The following CHD9 variants were observed in gnomAD, a reference collection of about 807,000 sequenced individuals.
CHD9 encodes chromodomain helicase DNA binding protein 9, also known as ATP-dependent chromatin remodeler CHD9.
In CHD9, 77 loss-of-function variants were observed where a neutral mutation model predicts 316.1. That is an observed-to-expected ratio of 0.24 (90% CI 0.20 to 0.29). The LOEUF (loss-of-function observed/expected upper bound fraction) is 0.29, where lower values mean the gene tolerates loss of function less well. Among genes scored for constraint, CHD9 ranks in the 10% least tolerant of loss-of-function variants. The pLI is 1.00. For missense variants in CHD9, 2,763 were observed against 3,438.1 expected (o/e 0.80, Z 4.91); for synonymous variants, 1,129 against 1,158.3 (o/e 0.97, Z 0.51).
At chr16:53,292,060 ATATTC>A (rs1273662367) in intron 28 of CHD9, among the ~76,000 whole-genome samples, 4 of 152,202 alleles carry the variant, frequency 2.6e-5, no homozygotes, top group Non-Finnish European at 5.9e-5. Flanking sequence ...TTGATCCAAT[ATATTC>A]AACTTCTTTT....
intron 37 of CHD9, among the ~76,000 whole-genome samples, chr16:53,318,636 G>A (rs2057051881): frequency 6.6e-6 from 1 of 152,112 alleles, no homozygotes; most frequent in Non-Finnish European, 1.5e-5. Flanking sequence ...CATTCTCATC[G>A]GGGTGATTTC....
intron 24 of CHD9, 56 bp from the exon 25 acceptor site, chr16:53,285,540 C>G (rs148292917): frequency 9.0e-7 from 1 of 1,112,908 alleles, no homozygotes; most frequent in Middle Eastern, 2.2e-4. Context: ...AAAATTTTGC[C>G]TCCTTTTTGA....
chr16:53,270,086 C>G (rs892983814), intron 22 of CHD9, among the ~76,000 whole-genome samples: 1 of 151,830 alleles, frequency 6.6e-6, no homozygotes, highest in African/African-American at 2.4e-5. Flanking sequence ...CTCACTGCAG[C>G]CTCAAACTCC....
At chr16:53,300,143 G>C (rs1285579389) in intron 30 of CHD9, among the ~76,000 whole-genome samples, 1 of 152,112 alleles carries the variant, frequency 6.6e-6, no homozygotes, top group Non-Finnish European at 1.5e-5. Flanking sequence ...CACAAGGTCA[G>C]GAGTTCGAGA....
intron 20 of CHD9, among the ~76,000 whole-genome samples, chr16:53,263,620 G>A (rs2051359116): frequency 6.6e-6 from 1 of 152,036 alleles, no homozygotes; most frequent in Non-Finnish European, 1.5e-5. Context: ...TAATTGTATA[G>A]AAATCAGTGT....
chr16:53,251,986 C>G (rs1052462065), intron 17 of CHD9, among the ~76,000 whole-genome samples: 1 of 152,104 alleles, frequency 6.6e-6, no homozygotes, highest in Non-Finnish European at 1.5e-5. Flanking sequence ...CAAAAGCAAT[C>G]TACAAATTCA....
intron 17 of CHD9, among the ~76,000 whole-genome samples, chr16:53,253,460 G>A (rs1474335160): frequency 6.6e-6 from 1 of 152,088 alleles, no homozygotes; most frequent in Non-Finnish European, 1.5e-5. Flanking sequence ...TGGGAGGTGG[G>A]CAAGGGATAA....
intron 12 of CHD9, 88 bp downstream of exon 12, chr16:53,238,674 T>C: frequency 7.6e-7 from 1 of 1,313,266 alleles, no homozygotes; most frequent in Non-Finnish European, 1.1e-6. Context: ...AAATTTAGGA[T>C]ACATTTTAAT....
chr16:53,152,099 C>A (rs1324114364), intron 1 of CHD9, among the ~76,000 whole-genome samples: 1 of 152,000 alleles, frequency 6.6e-6, no homozygotes, highest in South Asian at 2.1e-4. Flanking sequence ...AGATTTACCC[C>A]CTCCCTTAGC....
At chr16:53,059,116 C>T (rs1353042184) in intron 1 of CHD9, among the ~76,000 whole-genome samples, 1 of 152,200 alleles carries the variant, frequency 6.6e-6, no homozygotes, top group Non-Finnish European at 1.5e-5. Context: ...ACTGAGATTA[C>T]AAGCATGATC....
At chr16:53,111,244 C>T (rs1026089592) in intron 1 of CHD9, among the ~76,000 whole-genome samples, 1 of 152,122 alleles carries the variant, frequency 6.6e-6, no homozygotes, top group Non-Finnish European at 1.5e-5. Context: ...CCCCACCAAG[C>T]GCAAGACATC....
At chr16:53,097,180 C>T (rs2036443961) in intron 1 of CHD9, among the ~76,000 whole-genome samples, 1 of 151,986 alleles carries the variant, frequency 6.6e-6, no homozygotes, top group Admixed American at 6.6e-5. Context: ...TATTTAAATA[C>T]ACTTACATTT....
At chr16:53,205,034 G>A (rs1003103504) in intron 2 of CHD9, among the ~76,000 whole-genome samples, 1 of 152,018 alleles carries the variant, frequency 6.6e-6, no homozygotes, top group Non-Finnish European at 1.5e-5. Flanking sequence ...TAGAGATGGG[G>A]TTTCACCATG....
chr16:53,116,189 A>G (rs954776665), intron 1 of CHD9, among the ~76,000 whole-genome samples: 20 of 152,180 alleles, frequency 1.3e-4, no homozygotes, highest in African/African-American at 4.8e-4. Context: ...CCTCCCGAGC[A>G]GCTGAGATTA....
At chr16:53,129,506 C>A (rs2039120437) in intron 1 of CHD9, among the ~76,000 whole-genome samples, 1 of 152,236 alleles carries the variant, frequency 6.6e-6, no homozygotes, top group African/African-American at 2.4e-5. Context: ...TGCTGATCCA[C>A]TCTGGAGGGC....
intron 30 of CHD9, among the ~76,000 whole-genome samples, chr16:53,301,767 CTTT>C (rs199846098): frequency 1.6e-5 from 2 of 126,214 alleles, no homozygotes; most frequent in Admixed American, 8.1e-5. Flanking sequence ...TCTTTTTTTT[CTTT>C]TTTTTTTTTT....
chr16:53,254,353 G>A (rs6499510), intron 17 of CHD9, 85 bp from the exon 18 acceptor site: 283,074 of 909,016 alleles, frequency 0.31, 45,696 homozygotes, highest in Middle Eastern at 0.38. Flanking sequence ...AAGAATTCTT[G>A]TATGTGTTTA....
intron 36 of CHD9, among the ~76,000 whole-genome samples, chr16:53,317,652 G>T (rs1027418370): frequency 6.6e-6 from 1 of 152,056 alleles, no homozygotes; most frequent in Admixed American, 6.5e-5. Context: ...CACCACCATG[G>T]CAAGCTAATT....
At chr16:53,224,849 CT>C (rs1022920215) in intron 4 of CHD9, among the ~76,000 whole-genome samples, 1 of 152,124 alleles carries the variant, frequency 6.6e-6, no homozygotes, top group African/African-American at 2.4e-5. Context: ...GAATTCCCCC[CT>C]CCTAGAGAAT....
Sources: gnomAD v4.1 joint callset for allele counts (sites outside exome capture counted in the v4.1 genomes callset) on GRCh38, gnomAD v4.1.1 for gene constraint, MANE v1.5 for transcripts, NCBI Gene and HGNC (gene_info 2026-07-23, HGNC 2026-07-21) for gene names.